The following MYRIP variants were observed in gnomAD, a reference collection of about 807,000 sequenced individuals.
The protein encoded by MYRIP is rab effector MyRIP.
A neutral mutation model predicts 98.0 loss-of-function variants in MYRIP; 49 were observed. The observed-to-expected ratio is 0.50, with a 90% CI of 0.40 to 0.63. The LOEUF (loss-of-function observed/expected upper bound fraction) is 0.63, where lower values mean the gene tolerates loss of function less well. MYRIP is among the 30% of genes least tolerant of loss of function. The pLI, the probability that MYRIP is intolerant of heterozygous loss-of-function variation, is 0.00. For missense variants in MYRIP, 1,004 were observed against 1,058.2 expected (o/e 0.95, Z 0.71); for synonymous variants, 404 against 409.5 (o/e 0.99, Z 0.16).
Position 39,999,336 on chromosome 3 carries a change from TAAAC to T in MYRIP, c.111-44711_111-44708del, listed in dbSNP as rs939547664. ...TGAACTCAAACAAATTTACAAGAAATAAACAACCCCATCAACAAGTGGGTGAAGG... is the reference window on the plus strand; with the variant it reads ...TGAACTCAAACAAATTTACAAGAAATAACCCCATCAACAAGTGGGTGAAGG... On this transcript the variant is annotated intron_variant, in intron 2 of 16. Transcript: ENST00000302541. Among the ~76,000 whole-genome samples, 5 of 150,458 alleles carry T rather than the reference TAAAC, an allele frequency of 3.3e-5. No homozygotes were observed. The East Asian group carries it at 5.9e-4, about 18-fold the overall frequency.
intron 2 of MYRIP, among the ~76,000 whole-genome samples, chr3:39,965,279 A>C (rs1279991935): frequency 6.6e-6 from 1 of 152,098 alleles, no homozygotes; most frequent in African/African-American, 2.4e-5. Context: ...TACATTCCTT[A>C]AGACCATTTT....
intron 10 of MYRIP, among the ~76,000 whole-genome samples, chr3:40,201,212 G>C (rs1472490538): frequency 1.3e-5 from 2 of 152,128 alleles, no homozygotes; most frequent in Non-Finnish European, 2.9e-5. Flanking sequence ...AAAAGCCCAG[G>C]CTAGCAATTT....
Position 40,259,600 on chromosome 3 carries a change from A to G in MYRIP, c.*1434A>G, listed in dbSNP as rs1281000619. The G allele has an allele frequency of 6.6e-6, 1 of 152,138 alleles. No homozygotes were observed. Among genetic ancestry groups the G allele is most frequent in the Admixed American group, 6.5e-5 (1 of 15,270 alleles). The allele number at this position is 152,138 out of a possible 1,614,324, so 9.4% of individuals were successfully genotyped here. On this transcript the variant is annotated 3_prime_UTR_variant, in exon 17 of 17. Coordinates refer to ENST00000302541, the MANE Select transcript of MYRIP (RefSeq NM_015460.4). ...CAAAAGCCTAACTCTGTTGTTTTCAACCTCTACGTTATTTTGCTGCTATGT... is the reference window on the plus strand; with the variant it reads ...CAAAAGCCTAACTCTGTTGTTTTCAGCCTCTACGTTATTTTGCTGCTATGT...
chr3:40,003,257 G>A (rs866778375), intron 2 of MYRIP, among the ~76,000 whole-genome samples: 1 of 152,120 alleles, frequency 6.6e-6, no homozygotes, highest in Non-Finnish European at 1.5e-5. Flanking sequence ...TGTGGGAATC[G>A]GTGGCCTCTC....
At chr3:39,977,807 C>T (rs192750983) in intron 2 of MYRIP, among the ~76,000 whole-genome samples, 1 of 152,298 alleles carries the variant, frequency 6.6e-6, no homozygotes, top group African/African-American at 2.4e-5. Flanking sequence ...CCAGGCCCCT[C>T]ATGTAAAAAT....
chr3:39,900,995 G>A, intron 2 of MYRIP, 69 bp downstream of exon 2: 1 of 1,158,256 alleles, frequency 8.6e-7, no homozygotes, highest in East Asian at 2.3e-5. Flanking sequence ...GGTTTCCTGA[G>A]GGTATTCCCT....
rs1947613932 is a variant in MYRIP at position 40,044,120 on chromosome 3, G to A, written c.181G>A (p.Glu61Lys). ...CCTCTCGAAGCACCAGCAGTTTGTG[G>A]AGCACTGCTGCATGCGCTGCTGCTC... The part of the protein sequence containing the change: ...SILSKHQQFV[E>K]HCCMRCCSPF... The change falls in exon 3 of 17, where the codon GAG becomes AAG. Residue 61 changes from glutamate (E) to lysine (K), a missense_variant. Physicochemically the swap from Glu to Lys is moderately conservative, Grantham distance 56. This residue lies in a region of MYRIP where 880 missense variants were observed against 907.7 expected (regional missense o/e 0.97). Transcript: ENST00000302541. 1 of 1,614,038 alleles carries A rather than the reference G, an allele frequency of 6.2e-7. No homozygotes were observed. Among genetic ancestry groups the A allele is most frequent in the Admixed American group, 1.7e-5 (1 of 60,000 alleles).
intron 2 of MYRIP, among the ~76,000 whole-genome samples, chr3:39,996,382 C>G (rs1169996312): frequency 2.0e-5 from 3 of 152,102 alleles, no homozygotes; most frequent in African/African-American, 7.2e-5. Context: ...GGGTTGCAAT[C>G]CTAGTCTCTG....
At chr3:40,118,559 GTTTATTTATTTATTTA>G (rs200357639) in intron 3 of MYRIP, among the ~76,000 whole-genome samples, 4 of 147,120 alleles carry the variant, frequency 2.7e-5, no homozygotes, top group South Asian at 2.2e-4. Context: ...TGGGTTGAAG[GTTTATTTATTTATTTA>G]TTTATTTATT....
chr3:40,008,631 G>T (rs1258700202), intron 2 of MYRIP, among the ~76,000 whole-genome samples: 1 of 152,130 alleles, frequency 6.6e-6, no homozygotes, highest in Non-Finnish European at 1.5e-5. Context: ...AGCCGAGGGA[G>T]AACAGCACTT....
chr3:40,236,655 AC>A (rs1350797654), intron 12 of MYRIP, among the ~76,000 whole-genome samples: 8 of 152,262 alleles, frequency 5.3e-5, no homozygotes, highest in Admixed American at 3.9e-4. Flanking sequence ...AATACTCCAG[AC>A]CAAGGGTGAC....
At position 39,854,354 on chromosome 3, in the gene MYRIP, C is replaced by A. The variant is rs558528704; in HGVS notation, c.-31+44438C>A. Among the ~76,000 whole-genome samples the A allele has an allele frequency of 2.8e-4, 42 of 151,778 alleles. 1 individual carries two copies. In the South Asian group the frequency reaches 8.5e-3, roughly 31 times the overall value. The stretch of plus-strand genomic sequence containing the variant: ...TTTGTTAATTTTTTTATTCTTTTTT[C>A]TTTGTGTTTGTCTGATTAGGTTAAT... On this transcript the variant is annotated intron_variant, in intron 1 of 16. Transcript: ENST00000302541.
chr3:39,875,088 G>A (rs1378231066), intron 1 of MYRIP, among the ~76,000 whole-genome samples: 2 of 152,266 alleles, frequency 1.3e-5, no homozygotes, highest in Middle Eastern at 3.4e-3. Context: ...ATGTGTCCAG[G>A]AATTTATCCA....
chr3:40,212,641 A>T (rs1951996353), intron 11 of MYRIP, among the ~76,000 whole-genome samples: 1 of 152,132 alleles, frequency 6.6e-6, no homozygotes, highest in African/African-American at 2.4e-5. Context: ...GTGCACCTGT[A>T]GTCTCAGCTA....
intron 11 of MYRIP, among the ~76,000 whole-genome samples, chr3:40,218,625 TATATATATATA>T (rs1952220384): frequency 5.9e-5 from 1 of 17,072 alleles, no homozygotes; most frequent in African/African-American, 1.0e-4. Flanking sequence ...TATATATATA[TATATATATATA>T]TATATATATA....
At chr3:39,838,567 T>A (rs1348107827) in intron 1 of MYRIP, among the ~76,000 whole-genome samples, 1 of 152,238 alleles carries the variant, frequency 6.6e-6, no homozygotes, top group Non-Finnish European at 1.5e-5. Context: ...GCTGACTTGA[T>A]CTTGGTGGAT....
At chr3:40,244,726 T>C (rs1372088330) in intron 13 of MYRIP, 119 bp downstream of exon 13, 1 of 1,134,162 alleles carries the variant, frequency 8.8e-7, no homozygotes, top group African/African-American at 1.6e-5. Context: ...CCAGCATGTT[T>C]GCGTGGATAC....
intron 3 of MYRIP, among the ~76,000 whole-genome samples, chr3:40,071,555 T>C (rs1948229337): frequency 7.0e-6 from 1 of 142,066 alleles, no homozygotes; most frequent in Non-Finnish European, 1.5e-5. Flanking sequence ...GGCACAAGGG[T>C]CAACTCTAGG....
At chr3:39,879,141 T>G (rs183199696) in intron 1 of MYRIP, among the ~76,000 whole-genome samples, 34 of 151,850 alleles carry the variant, frequency 2.2e-4, no homozygotes, top group African/African-American at 7.7e-4. Flanking sequence ...GTTTGATATG[T>G]TTTTGTGTAT....
Sources: allele counts gnomAD v4.1 joint callset (sites outside exome capture counted in the v4.1 genomes callset), GRCh38; gene constraint gnomAD v4.1.1; regional missense constraint gnomAD v4.1.1; transcripts MANE v1.5; gene names NCBI Gene and HGNC (gene_info 2026-07-23, HGNC 2026-07-21).